TSPAN8: variants seen among roughly 807,000 people sequenced by gnomAD.
TSPAN8 encodes the protein tetraspanin 8, also known as tetraspanin-8.
TSPAN8 carries 21 observed loss-of-function variants against 32.8 expected under a neutral mutation model. That is an observed-to-expected ratio of 0.64 (90% CI 0.45 to 0.92). The LOEUF (loss-of-function observed/expected upper bound fraction) is 0.92. Among genes scored for constraint, TSPAN8 ranks in the 40% least tolerant of loss-of-function variants. The pLI is 0.00. For missense variants in TSPAN8, 269 were observed against 281.9 expected, an observed-to-expected ratio of 0.95 and a Z score of 0.33; for synonymous variants, 95 against 94.6, an observed-to-expected ratio of 1.00 and a Z score of -0.03.
At position 71,132,704 on chromosome 12, in the gene TSPAN8, C is replaced by T. The variant is rs147276837; in HGVS notation, c.565G>A (p.Val189Ile). ...RPCQSYNGKQ[V>I]YKETCISFIK... Reference sequence around the variant, plus strand: ...GATTTAGTTCTCACCTCTTTGTAAACTTGTTTTCCATTATAGCTTTGGCAT... The same window carrying T: ...GATTTAGTTCTCACCTCTTTGTAAATTTGTTTTCCATTATAGCTTTGGCAT... The change falls in exon 7 of 9, where the codon GTT (valine) becomes ATT (isoleucine). Residue 189 changes from valine (V) to isoleucine (I), a missense_variant. Transcript: ENST00000247829. The T allele has an allele frequency of 9.3e-6, 15 of 1,613,546 alleles. No individual in the cohort carries two copies. The African/African-American group carries it at 1.6e-4, about 17-fold the overall frequency.
At chr12:71,130,589 G>A (rs954248377) in intron 7 of TSPAN8, among the ~76,000 whole-genome samples, 1 of 152,134 alleles carries the variant, frequency 6.6e-6, no homozygotes, top group African/African-American at 2.4e-5. Context: ...GGCTAACAAA[G>A]TATTGCTATT....
intron 3 of TSPAN8, among the ~76,000 whole-genome samples, chr12:71,142,779 G>A (rs1003096363): frequency 1.3e-5 from 2 of 151,638 alleles, no homozygotes; most frequent in African/African-American, 2.4e-5. Context: ...GTGATCCTCT[G>A]GGCTCCCTAA....
chr12:71,139,316 G>A, intron 4 of TSPAN8: 1 of 453,350 alleles, frequency 2.2e-6, no homozygotes. Context: ...TTCTGCCCTG[G>A]TTTGAAAATC....
At chr12:71,151,878 G>C (rs1340034268) in intron 2 of TSPAN8, among the ~76,000 whole-genome samples, 1 of 152,204 alleles carries the variant, frequency 6.6e-6, no homozygotes, top group African/African-American at 2.4e-5. Flanking sequence ...GCCAGCCTTG[G>C]GGCTGACATA....
intron 3 of TSPAN8, among the ~76,000 whole-genome samples, chr12:71,143,404 A>G (rs938851532): frequency 6.6e-6 from 1 of 152,162 alleles, no homozygotes; most frequent in Non-Finnish European, 1.5e-5. Flanking sequence ...TACCACACGT[A>G]TGGGGTCCAA....
At chr12:71,140,063 G>A (rs1287398429) in intron 3 of TSPAN8, among the ~76,000 whole-genome samples, 5 of 117,146 alleles carry the variant, frequency 4.3e-5, no homozygotes, top group African/African-American at 1.7e-4. Context: ...GATGAAAGCT[G>A]GGTGGAAGAA....
At chr12:71,134,849 G>A (rs1013894607) in intron 6 of TSPAN8, among the ~76,000 whole-genome samples, 2 of 152,166 alleles carry the variant, frequency 1.3e-5, no homozygotes, top group Non-Finnish European at 2.9e-5. Context: ...AACTTGTCAC[G>A]ATATCAAGTC....
At chr12:71,129,951 C>CTTT (rs35715058) in intron 7 of TSPAN8, among the ~76,000 whole-genome samples, 12 of 140,192 alleles carry the variant, frequency 8.6e-5, no homozygotes, top group East Asian at 2.1e-4. Context: ...TTCTTTCTTT[C>CTTT]TTTTTTTTTT....
At chr12:71,131,747 T>G (rs1302771175) in intron 7 of TSPAN8, among the ~76,000 whole-genome samples, 2 of 121,864 alleles carry the variant, frequency 1.6e-5, no homozygotes, top group Admixed American at 1.9e-4. Context: ...ACATTTCTTC[T>G]AAGCAGAACG....
At chr12:71,134,191 T>A (rs954534408) in intron 6 of TSPAN8, among the ~76,000 whole-genome samples, 1 of 152,302 alleles carries the variant, frequency 6.6e-6, no homozygotes, top group African/African-American at 2.4e-5. Flanking sequence ...CATGTAAAGA[T>A]AAGAACTCCC....
rs561019625 is a variant in TSPAN8, at chr12:71,138,172, G to A, written c.320C>T (p.Ala107Val). The A allele has an allele frequency of 1.4e-5, 22 of 1,613,686 alleles. No individual in the cohort carries two copies. The highest frequency in any genetic ancestry group is 1.9e-5 in the Non-Finnish European group (22 of 1,179,878). ...LLQVATGILG[A>V]VFKSKSDRIV... ...TGCACACACCTTAGATTTGAAAACA[G>A]CTCCTAGGATACCTGTCGCCACCTG... Residue 107 changes from alanine (A) to valine (V), a missense_variant, in exon 5 of 9, where the codon GCT (alanine) becomes GTT (valine). Coordinates refer to ENST00000247829, the MANE Select transcript of TSPAN8 (RefSeq NM_004616.3).
chr12:71,133,589 A>C (rs1265103067), intron 6 of TSPAN8, among the ~76,000 whole-genome samples: 1 of 152,190 alleles, frequency 6.6e-6, no homozygotes, highest in Non-Finnish European at 1.5e-5. Flanking sequence ...GCAAAGACCC[A>C]AATAGATGCT....
chr12:71,139,937 T>G (rs1401601484), intron 3 of TSPAN8, 89 bp from the exon 4 acceptor site: 1 of 1,347,426 alleles, frequency 7.4e-7, no homozygotes, highest in African/African-American at 1.5e-5. Context: ...GTGCCTCCTA[T>G]GTGTCAAGTC....
At chr12:71,137,613 G>T (rs1253103768) in intron 6 of TSPAN8, among the ~76,000 whole-genome samples, 1 of 151,762 alleles carries the variant, frequency 6.6e-6, no homozygotes, top group East Asian at 1.9e-4. Context: ...CCAAAAAAAA[G>T]GGGGAGAGAG....
At chr12:71,137,043 G>A (rs1871720356) in intron 6 of TSPAN8, among the ~76,000 whole-genome samples, 1 of 152,156 alleles carries the variant, frequency 6.6e-6, no homozygotes. Flanking sequence ...GGCCAAGGCA[G>A]GAGGATCACT....
chr12:71,146,434 A>T (rs967193972), intron 2 of TSPAN8, among the ~76,000 whole-genome samples: 1 of 152,168 alleles, frequency 6.6e-6, no homozygotes, highest in African/African-American at 2.4e-5. Flanking sequence ...GAATAATACT[A>T]AACTATTTCA....
chr12:71,137,414 C>T (rs970412715), intron 6 of TSPAN8, among the ~76,000 whole-genome samples: 1 of 152,176 alleles, frequency 6.6e-6, no homozygotes, highest in African/African-American at 2.4e-5. Flanking sequence ...ACCTTACCAA[C>T]ATGGTGAGAC....
chr12:71,128,665 A>G (rs1871420482), intron 8 of TSPAN8, among the ~76,000 whole-genome samples: 1 of 150,698 alleles, frequency 6.6e-6, no homozygotes, highest in African/African-American at 2.4e-5. Flanking sequence ...TAAAAAAAAA[A>G]CATGCCAAGA....
intron 6 of TSPAN8, among the ~76,000 whole-genome samples, chr12:71,136,371 T>C (rs552338376): frequency 2.0e-5 from 3 of 152,372 alleles, no homozygotes; most frequent in African/African-American, 7.2e-5. Flanking sequence ...TTCACCTCTT[T>C]AATATTTCAT....
Sources: gnomAD v4.1 joint callset for allele counts (sites outside exome capture counted in the v4.1 genomes callset) on GRCh38, gnomAD v4.1.1 for gene constraint, MANE v1.5 for transcripts, NCBI Gene and HGNC (gene_info 2026-07-23, HGNC 2026-07-21) for gene names.